Variants in SKAP1 observed in about 807,000 individuals in gnomAD.
SKAP1 encodes the protein src kinase-associated phosphoprotein 1.
SKAP1 carries 44 observed loss-of-function variants against 58.5 expected under a neutral mutation model. The ratio of observed to expected loss-of-function variants is 0.75; its 90% confidence interval spans 0.59 to 0.97. The LOEUF (loss-of-function observed/expected upper bound fraction) is 0.97, where lower values mean the gene tolerates loss of function less well. SKAP1 is among the 50% of genes least tolerant of loss of function. SKAP1 has a pLI of 0.00. For synonymous variants in SKAP1, 127 were observed against 149.7 expected (o/e 0.85, Z 1.11); for missense variants, 390 against 435.2 (o/e 0.90, Z 0.92).
chr17:48,162,917 CAACT>C (rs369667706), intron 10 of SKAP1, among the ~76,000 whole-genome samples: 42 of 152,188 alleles, frequency 2.8e-4, no homozygotes, highest in African/African-American at 4.8e-4. Context: ...TGATCCAGGG[CAACT>C]AACTATCTAG....
chr17:48,432,302 G>C (rs564566216), upstream of SKAP1, among the ~76,000 whole-genome samples: 66 of 152,176 alleles, frequency 4.3e-4, no homozygotes, highest in Non-Finnish European at 8.2e-4. Context: ...GGTGGTGCAC[G>C]CCTGTAATCC....
chr17:48,333,273 A>G (rs1234518755), intron 4 of SKAP1, among the ~76,000 whole-genome samples: 2 of 152,204 alleles, frequency 1.3e-5, no homozygotes, highest in African/African-American at 4.8e-5. Context: ...AAAAGAAACA[A>G]CAAAATGTAA....
At chr17:48,349,037 A>T (rs1161738704) in intron 3 of SKAP1, among the ~76,000 whole-genome samples, 3 of 152,248 alleles carry the variant, frequency 2.0e-5, no homozygotes, top group African/African-American at 7.2e-5. Flanking sequence ...TTAGTGTCAT[A>T]TCAAGTGACC....
At chr17:48,434,137 C>T (rs546009444), upstream of SKAP1, among the ~76,000 whole-genome samples, 11 of 152,200 alleles carry the variant, frequency 7.2e-5, no homozygotes, top group Non-Finnish European at 1.3e-4. Context: ...GCAGCCACTG[C>T]CTCTCAGCCT....
intron 3 of SKAP1, among the ~76,000 whole-genome samples, chr17:48,356,178 T>C (rs1598607500): frequency 6.6e-6 from 1 of 151,528 alleles, no homozygotes; most frequent in South Asian, 2.1e-4. Context: ...CACTTGATCT[T>C]GGGAGATGGA....
chr17:48,276,156 G>A (rs569987825), intron 4 of SKAP1, among the ~76,000 whole-genome samples: 1 of 152,028 alleles, frequency 6.6e-6, no homozygotes, highest in Non-Finnish European at 1.5e-5. Flanking sequence ...ACAACTAACC[G>A]TAATCTACCC....
intron 1 of SKAP1, among the ~76,000 whole-genome samples, chr17:48,418,408 T>A (rs921300201): frequency 6.6e-6 from 1 of 152,144 alleles, no homozygotes; most frequent in African/African-American, 2.4e-5. Context: ...AAAAAATGCA[T>A]GGGCCATGAC....
intron 4 of SKAP1, among the ~76,000 whole-genome samples, chr17:48,221,931 T>C (rs577585541): frequency 6.6e-6 from 1 of 152,298 alleles, no homozygotes; most frequent in African/African-American, 2.4e-5. Flanking sequence ...CCACTCCTCC[T>C]GATGATAAAG....
At chr17:48,207,339 A>T (rs896225233) in intron 4 of SKAP1, among the ~76,000 whole-genome samples, 17 of 152,026 alleles carry the variant, frequency 1.1e-4, no homozygotes, top group Non-Finnish European at 2.2e-4. Flanking sequence ...TACAAAAATT[A>T]GCTGGATGTG....
chr17:48,245,601 C>T (rs2065287430), intron 4 of SKAP1, among the ~76,000 whole-genome samples: 2 of 152,160 alleles, frequency 1.3e-5, no homozygotes, highest in African/African-American at 4.8e-5. Context: ...GGTTTGAATT[C>T]CAGCTCTGAC....
chr17:48,288,196 GATTA>G (rs1221575897), intron 4 of SKAP1, among the ~76,000 whole-genome samples: 6 of 152,276 alleles, frequency 3.9e-5, no homozygotes, highest in South Asian at 4.1e-4. Context: ...GGCGTGTTCT[GATTA>G]ATTATCTCTC....
At chr17:48,148,077 C>T (rs576288097) in intron 11 of SKAP1, among the ~76,000 whole-genome samples, 1 of 152,110 alleles carries the variant, frequency 6.6e-6, no homozygotes, top group African/African-American at 2.4e-5. Context: ...CACTTGAGTG[C>T]GAGAGAACAT....
chr17:48,440,836 A>AT, the SKAP1 span, among the ~76,000 whole-genome samples: 1 of 152,160 alleles, frequency 6.6e-6, no homozygotes, highest in Non-Finnish European at 1.5e-5. Context: ...ACCAGGATGC[A>AT]TTTTTTCTAA....
chr17:48,437,156 A>T, the SKAP1 span, among the ~76,000 whole-genome samples: 3 of 151,962 alleles, frequency 2.0e-5, no homozygotes, highest in Non-Finnish European at 2.9e-5. Context: ...GCTGATTTGT[A>T]CCTCTGCCCC....
chr17:48,342,854 C>T (rs2066673091), intron 4 of SKAP1, among the ~76,000 whole-genome samples: 1 of 151,862 alleles, frequency 6.6e-6, no homozygotes, highest in African/African-American at 2.4e-5. Flanking sequence ...GCGCGGTGGC[C>T]GGCGCCTATA....
At chr17:48,174,458 T>G (rs567431141) in intron 9 of SKAP1, among the ~76,000 whole-genome samples, 2 of 152,234 alleles carry the variant, frequency 1.3e-5, no homozygotes, top group Admixed American at 1.3e-4. Context: ...ACAATACAAA[T>G]AGGCATACAA....
chr17:48,198,688 CAA>C (rs2064681017), intron 4 of SKAP1, among the ~76,000 whole-genome samples: 1 of 152,010 alleles, frequency 6.6e-6, no homozygotes, highest in African/African-American at 2.4e-5. Context: ...TGTGTTCCTT[CAA>C]AACCATGAGT....
At chr17:48,174,324 G>A (rs1046168537) in intron 9 of SKAP1, among the ~76,000 whole-genome samples, 15 of 152,210 alleles carry the variant, frequency 9.9e-5, no homozygotes, top group Admixed American at 5.2e-4. Flanking sequence ...TGATGGGCTT[G>A]GCGCTATGCC....
Position 48,422,925 on chromosome 17 carries a change from A to G in SKAP1, c.46+7150T>C, listed in dbSNP as rs144657969. ...GAAAGCAATGACAGATGAGACAGTA[A>G]AAAAGATGAAACAGAGAGAGCATAT... On this transcript the variant is annotated intron_variant, in intron 1 of 12. Coordinates refer to ENST00000336915, the MANE Select transcript of SKAP1 (RefSeq NM_003726.4). 3.8e-3 allele frequency among the ~76,000 whole-genome samples: 582 copies of G among 152,356 alleles called. 4 individuals carry two copies. Among genetic ancestry groups the G allele is most frequent in the African/African-American group, 0.013 (552 of 41,584 alleles).
Sources: allele counts gnomAD v4.1 joint callset (sites outside exome capture counted in the v4.1 genomes callset), GRCh38; gene constraint gnomAD v4.1.1; transcripts MANE v1.5; gene names NCBI Gene and HGNC (gene_info 2026-07-23, HGNC 2026-07-21).